The following ANKRD7 variants were observed in gnomAD, a reference collection of about 807,000 sequenced individuals.
ANKRD7 encodes the protein ankyrin repeat domain-containing protein 7.
A neutral mutation model predicts 30.8 loss-of-function variants in ANKRD7; 30 were observed. The ratio of observed to expected loss-of-function variants is 0.97; its 90% CI spans 0.73 to 1.32. The LOEUF (loss-of-function observed/expected upper bound fraction) is 1.32. ANKRD7 is among the 40% of genes most tolerant of loss of function. The pLI is 0.00. For synonymous variants in ANKRD7, 97 were observed against 106.6 expected, an observed-to-expected ratio of 0.91 and a Z score of 0.55; for missense variants, 264 against 295.7, an observed-to-expected ratio of 0.89 and a Z score of 0.79.
intron 1 of ANKRD7, among the ~76,000 whole-genome samples, chr7:118,231,430 A>G (rs992097883): frequency 3.9e-5 from 6 of 152,008 alleles, no homozygotes; most frequent in African/African-American, 1.4e-4. Flanking sequence ...CTTCAACCAT[A>G]CTACTCAAAT....
intron 1 of ANKRD7, among the ~76,000 whole-genome samples, chr7:118,226,555 A>G (rs1252606696): frequency 6.6e-6 from 1 of 152,318 alleles, no homozygotes; most frequent in Non-Finnish European, 1.5e-5. Context: ...GGAAAATTAT[A>G]AGGAAGAGAA....
chr7:118,225,264 G>A (rs1356234763), intron 1 of ANKRD7, among the ~76,000 whole-genome samples: 1 of 152,010 alleles, frequency 6.6e-6, no homozygotes, highest in African/African-American at 2.4e-5. Context: ...AGGCGGGTGG[G>A]TCTCCTGAGG....
chr7:118,235,786 C>T (rs1004007336), intron 3 of ANKRD7, among the ~76,000 whole-genome samples: 1 of 152,108 alleles, frequency 6.6e-6, no homozygotes, highest in Non-Finnish European at 1.5e-5. Context: ...AAGTGCTCAT[C>T]ACTTACTTAT....
chr7:118,232,856 A>G (rs1809664681), intron 1 of ANKRD7, among the ~76,000 whole-genome samples: 1 of 152,070 alleles, frequency 6.6e-6, no homozygotes, highest in African/African-American at 2.4e-5. Context: ...AATTCTCAAG[A>G]TATGTGTAAT....
chr7:118,230,267 A>T (rs1225032919), intron 1 of ANKRD7, among the ~76,000 whole-genome samples: 1 of 152,022 alleles, frequency 6.6e-6, no homozygotes, highest in Non-Finnish European at 1.5e-5. Context: ...AGGTGGAAAT[A>T]ATAGACACTA....
At chr7:118,232,585 A>T (rs1809660940) in intron 1 of ANKRD7, among the ~76,000 whole-genome samples, 1 of 151,958 alleles carries the variant, frequency 6.6e-6, no homozygotes. Flanking sequence ...GAGCCATGAA[A>T]TTTTTTTATG....
intron 5 of ANKRD7, among the ~76,000 whole-genome samples, chr7:118,237,535 T>C (rs1809750641): frequency 6.6e-6 from 1 of 152,102 alleles, no homozygotes; most frequent in Admixed American, 6.5e-5. Context: ...TTAAATAACA[T>C]ACAAGGTATT....
intron 3 of ANKRD7, 142 bp from the exon 4 acceptor site, chr7:118,235,899 A>T: frequency 2.0e-6 from 1 of 510,296 alleles, no homozygotes; most frequent in Non-Finnish European, 3.5e-6. Context: ...TTGAAATCAC[A>T]TTTTTTTATG....
intron 1 of ANKRD7, among the ~76,000 whole-genome samples, chr7:118,227,246 C>G (rs1409293272): frequency 3.3e-5 from 5 of 151,976 alleles, no homozygotes; most frequent in African/African-American, 1.2e-4. Context: ...TATAAAAATT[C>G]TAAATTTTAT....
At chr7:118,227,808 A>C in intron 1 of ANKRD7, 1 of 1,149,814 alleles carries the variant, frequency 8.7e-7, no homozygotes, top group Non-Finnish European at 1.1e-6. Flanking sequence ...TTTTCAAGTC[A>C]TAGGGTATGA....
intron 1 of ANKRD7, among the ~76,000 whole-genome samples, chr7:118,231,035 C>T (rs898922709): frequency 2.6e-5 from 4 of 151,966 alleles, no homozygotes; most frequent in Non-Finnish European, 4.4e-5. Flanking sequence ...GTTCAGGAAG[C>T]CACAGTGGCC....
Position 118,241,521 on chromosome 7 carries a change from C to CTTTTTTTTTTTTT in ANKRD7, c.*38-812_*38-800dup, listed in dbSNP as rs3061682. Among the ~76,000 whole-genome samples the CTTTTTTTTTTTTT allele has an allele frequency of 1.6e-3, 135 of 84,548 alleles. 7 individuals are homozygous for CTTTTTTTTTTTTT. Among genetic ancestry groups the CTTTTTTTTTTTTT allele is most frequent in the Middle Eastern group, 9.6e-3 (1 of 104 alleles). The allele number at this position is 84,548 out of a possible 152,430, so 55.5% of individuals were successfully genotyped here. On this transcript the variant is annotated intron_variant, in intron 6 of 6. Coordinates refer to ENST00000265224, the MANE Select transcript of ANKRD7 (RefSeq NM_019644.4). ...TTAGGGGAGAATTTCTCTGAATTAC[C>CTTTTTTTTTTTTT]TTTTTTTTTTTTTTTTTTTTTTTTT...
Sources: allele counts gnomAD v4.1 joint callset (sites outside exome capture counted in the v4.1 genomes callset), GRCh38; gene constraint gnomAD v4.1.1; transcripts MANE v1.5; gene names NCBI Gene and HGNC (gene_info 2026-07-23, HGNC 2026-07-21).